Variants in MKRN1 observed in about 807,000 individuals in gnomAD.
MKRN1 encodes E3 ubiquitin-protein ligase makorin-1.
Under a neutral mutation model 55.5 loss-of-function variants are expected in MKRN1, and 9 were observed. The ratio of observed to expected loss-of-function variants is 0.16; its 90% CI spans 0.10 to 0.28. MKRN1 has a LOEUF of 0.28. Ranked by LOEUF, MKRN1 falls within the 10% of genes least tolerant of loss-of-function variation. MKRN1 has a pLI of 1.00. For missense variants in MKRN1, 488 were observed against 626.7 expected (o/e 0.78, Z 2.36); for synonymous variants, 253 against 235.9 (o/e 1.07, Z -0.66).
chr7:140,472,923 C>T (rs891315102), intron 1 of MKRN1, among the ~76,000 whole-genome samples: 2 of 151,214 alleles, frequency 1.3e-5, no homozygotes, highest in Non-Finnish European at 2.9e-5. Flanking sequence ...CAAGACCATC[C>T]TGGCTAATAT....
At chr7:140,460,205 C>T in intron 2 of MKRN1, 1 of 384,080 alleles carries the variant, frequency 2.6e-6, no homozygotes, top group Admixed American at 4.1e-5. Context: ...CGAGATCATG[C>T]CACTGTACTC....
intron 4 of MKRN1, among the ~76,000 whole-genome samples, chr7:140,457,366 G>C (rs1794498684): frequency 6.6e-6 from 1 of 152,228 alleles, no homozygotes; most frequent in Non-Finnish European, 1.5e-5. Context: ...CCACTTTGGG[G>C]CTATTATAAA....
intron 7 of MKRN1, 28 bp downstream of exon 7, chr7:140,455,067 C>A: frequency 6.2e-7 from 1 of 1,611,522 alleles, no homozygotes. Context: ...TGGAATTTCC[C>A]CTCCTTTAAA....
intron 7 of MKRN1, 99 bp downstream of exon 7, chr7:140,454,996 G>A (rs1794426188): frequency 2.7e-6 from 4 of 1,495,418 alleles, no homozygotes; most frequent in Non-Finnish European, 3.6e-6. Context: ...TTCGCTCCCA[G>A]ACCTGAGCGT....
At chr7:140,467,060 ATCCACC>A (rs1257517645) in intron 2 of MKRN1, among the ~76,000 whole-genome samples, 3 of 150,920 alleles carry the variant, frequency 2.0e-5, no homozygotes, top group Non-Finnish European at 4.4e-5. Context: ...TCACCACAAC[ATCCACC>A]TCCCGGGTTC....
intron 2 of MKRN1, among the ~76,000 whole-genome samples, chr7:140,469,640 G>A (rs553871830): frequency 3.3e-5 from 5 of 152,006 alleles, no homozygotes; most frequent in African/African-American, 1.2e-4. Flanking sequence ...GGGCCAGGCG[G>A]GGTGGCTCAC....
intron 1 of MKRN1, among the ~76,000 whole-genome samples, chr7:140,475,028 G>A (rs940500879): frequency 6.6e-6 from 1 of 151,744 alleles, no homozygotes; most frequent in African/African-American, 2.4e-5. Context: ...TGATCTTTAA[G>A]TTACGTTAAC....
At position 140,466,148 on chromosome 7, in the gene MKRN1, G is replaced by C. The variant is rs151033858; in HGVS notation, c.314+5735C>G. ...TCTAACAGGAAAACAAGCAGTCATAGAGCAAGCCTCTCTTTAAGATTCTTT... is the reference window on the plus strand; with the variant it reads ...TCTAACAGGAAAACAAGCAGTCATACAGCAAGCCTCTCTTTAAGATTCTTT... On this transcript the variant is annotated intron_variant, in intron 2 of 7. Coordinates refer to ENST00000255977, the MANE Select transcript of MKRN1 (RefSeq NM_013446.4). Among the ~76,000 whole-genome samples the C allele has an allele frequency of 1.9e-3, 287 of 152,292 alleles. 3 individuals carry two copies. The highest frequency in any genetic ancestry group is 6.5e-3 in the African/African-American group (271 of 41,574).
chr7:140,470,220 GAA>G (rs1277671425), intron 2 of MKRN1, among the ~76,000 whole-genome samples: 3 of 129,118 alleles, frequency 2.3e-5, no homozygotes. Context: ...ACTCCGTCTT[GAA>G]AAAAAAAAAA....
chr7:140,464,755 C>CA (rs199775052), intron 2 of MKRN1, among the ~76,000 whole-genome samples: 102 of 144,334 alleles, frequency 7.1e-4, no homozygotes, highest in South Asian at 5.9e-3. Flanking sequence ...AGATAATTTC[C>CA]AAAAAAAAAA....
At chr7:140,462,838 C>T (rs1003721501) in intron 2 of MKRN1, among the ~76,000 whole-genome samples, 2 of 151,966 alleles carry the variant, frequency 1.3e-5, no homozygotes, top group East Asian at 1.9e-4. Flanking sequence ...TGGTGGTGTG[C>T]GTCTGTAATC....
chr7:140,470,533 C>A (rs1347674470), intron 2 of MKRN1, among the ~76,000 whole-genome samples: 1 of 149,774 alleles, frequency 6.7e-6, no homozygotes, highest in Non-Finnish European at 1.5e-5. Flanking sequence ...TGCAGTGAGC[C>A]GAAATTGCGC....
intron 2 of MKRN1, among the ~76,000 whole-genome samples, chr7:140,464,814 G>A (rs1041027928): frequency 6.6e-6 from 1 of 151,976 alleles, no homozygotes; most frequent in Non-Finnish European, 1.5e-5. Context: ...CTTTGAGACA[G>A]GGTCTCACTC....
intron 7 of MKRN1, 72 bp from the exon 8 acceptor site, chr7:140,454,801 A>G: frequency 6.7e-7 from 1 of 1,482,880 alleles, no homozygotes; most frequent in Non-Finnish European, 9.4e-7. Flanking sequence ...TTATAAGGCA[A>G]AACGTCCAGC....
intron 1 of MKRN1, among the ~76,000 whole-genome samples, chr7:140,477,002 G>A (rs1052784234): frequency 3.3e-5 from 5 of 151,534 alleles, no homozygotes; most frequent in African/African-American, 1.2e-4. Flanking sequence ...AGAGACTGAG[G>A]CAGGAGAATC....
At chr7:140,465,996 G>A (rs888851773) in intron 2 of MKRN1, among the ~76,000 whole-genome samples, 9 of 152,038 alleles carry the variant, frequency 5.9e-5, no homozygotes, top group African/African-American at 2.2e-4. Context: ...CACCGGAATC[G>A]CTTGAACCCA....
At position 140,479,442 on chromosome 7, in the gene MKRN1, G is replaced by A. The variant is rs1585507620; in HGVS notation, c.-98C>T. 3 of 1,207,778 alleles carry A rather than the reference G, an allele frequency of 2.5e-6. No individual in the cohort carries two copies. Among genetic ancestry groups the A allele is most frequent in the Non-Finnish European group, 2.1e-6 (2 of 958,578 alleles). The allele number at this position is 1,207,778 out of a possible 1,614,324, so 74.8% of individuals were successfully genotyped here. ...GGACGGCGAGGCCAGGCGAGGGGAG[G>A]GGAAGGACACTGAGGCACCCGTTCG... is the stretch of plus-strand genomic sequence containing the variant. On this transcript the variant is annotated 5_prime_UTR_variant, in exon 1 of 8. Transcript: ENST00000255977.
rs758795023 is a variant in MKRN1 at position 140,459,766 on chromosome 7, C to T, written c.485G>A (p.Gly162Asp). 2 of 1,613,826 alleles carry T rather than the reference C, an allele frequency of 1.2e-6. No homozygotes were observed. The highest frequency in any genetic ancestry group is 2.7e-5 in the African/African-American group (2 of 74,900). Residue 162 changes from glycine to aspartate, a missense_variant, in exon 3 of 8, where the codon GGT (glycine) becomes GAT (aspartate). Coordinates refer to ENST00000255977, the MANE Select transcript of MKRN1 (RefSeq NM_013446.4). ...AATAGCATTCACCCAGTCCTCTGAA[C>T]CTGCTCCTACAGTTGCAAAGTTTGA... The part of the protein sequence containing the change: ...RNSNFATVGA[G>D]SEDWVNAIEF...
At position 140,453,859 on chromosome 7, in the gene MKRN1, CTA is replaced by C. The variant is rs1220702038; in HGVS notation, c.*656_*657del. ...AACTCTGCATTGATGTTATGCCTCT[CTA>C]TCTTTTATACGTATTCTTTCTCAAT... On this transcript the variant is annotated 3_prime_UTR_variant, in exon 8 of 8. Coordinates refer to ENST00000255977, the MANE Select transcript of MKRN1 (RefSeq NM_013446.4). The C allele has an allele frequency of 1.9e-5, 3 of 156,862 alleles. No individual in the cohort carries two copies. The highest frequency in any genetic ancestry group is 7.2e-5 in the African/African-American group (3 of 41,442). 9.7% of individuals were successfully genotyped at this position (156,862 alleles called of 1,614,324 possible).
Sources: gnomAD v4.1 joint callset for allele counts (sites outside exome capture counted in the v4.1 genomes callset) on GRCh38, gnomAD v4.1.1 for gene constraint, MANE v1.5 for transcripts, NCBI Gene and HGNC (gene_info 2026-07-23, HGNC 2026-07-21) for gene names.